The following HMGCLL1 variants were observed in gnomAD, a reference collection of about 807,000 sequenced individuals.
The protein encoded by HMGCLL1 is 3-hydroxymethyl-3-methylglutaryl-CoA lyase, cytoplasmic.
In HMGCLL1, 36 loss-of-function variants were observed where a neutral mutation model predicts 39.1. The observed-to-expected ratio is 0.92, with a 90% CI of 0.71 to 1.22. The LOEUF (loss-of-function observed/expected upper bound fraction) is 1.22, where lower values mean the gene tolerates loss of function less well. Ranked by LOEUF, HMGCLL1 falls within the 50% of genes most tolerant of loss-of-function variation. The pLI, the probability that HMGCLL1 is intolerant of heterozygous loss-of-function variation, is 0.00. For missense variants in HMGCLL1, 451 were observed against 416.5 expected (o/e 1.08, Z -0.72); for synonymous variants, 149 against 144.0 (o/e 1.03, Z -0.25).
At chr6:55,669,590 T>C in the HMGCLL1 span, among the ~76,000 whole-genome samples, 2 of 151,814 alleles carry the variant, frequency 1.3e-5, no homozygotes, top group Non-Finnish European at 1.5e-5. Context: ...TATAAGAATG[T>C]TCAAAAAAGC....
chr6:55,553,975 G>T (rs1050616444), intron 1 of HMGCLL1, among the ~76,000 whole-genome samples: 1 of 152,066 alleles, frequency 6.6e-6, no homozygotes, highest in African/African-American at 2.4e-5. Context: ...CACCTCCAGT[G>T]CTGACAACAT....
intron 5 of HMGCLL1, among the ~76,000 whole-genome samples, chr6:55,499,907 TA>T (rs1766786859): frequency 2.0e-5 from 3 of 152,052 alleles, no homozygotes; most frequent in African/African-American, 7.2e-5. Context: ...GCTTCTTTTG[TA>T]ACTCATTCTA....
At chr6:55,641,799 A>C in the HMGCLL1 span, among the ~76,000 whole-genome samples, 33 of 151,702 alleles carry the variant, frequency 2.2e-4, no homozygotes, top group Non-Finnish European at 3.2e-4. Flanking sequence ...TTGATGGCTA[A>C]AACAATCCTT....
rs796989176 is a variant in HMGCLL1 at position 55,487,201 on chromosome 6, C to CT, written c.795+8217dup. ...GTCTCTGGTCTTCAGACCTTTTGTACTTTTTTTTTTACAATTTGTGTGCCT... is the reference window on the plus strand; with the variant it reads ...GTCTCTGGTCTTCAGACCTTTTGTACTTTTTTTTTTTACAATTTGTGTGCCT... On this transcript the variant is annotated intron_variant, in intron 7 of 8. Transcript: ENST00000274901. 5.2e-3 allele frequency among the ~76,000 whole-genome samples: 772 copies of CT among 148,336 alleles called. 6 individuals are homozygous for CT. Among genetic ancestry groups the CT allele is most frequent in the African/African-American group, 0.017 (706 of 40,508 alleles).
chr6:55,504,863 G>T (rs1004590991), intron 5 of HMGCLL1, among the ~76,000 whole-genome samples: 7 of 151,636 alleles, frequency 4.6e-5, no homozygotes. Flanking sequence ...TAAACAAATA[G>T]GTAAGGTTTA....
chr6:55,640,645 T>A, the HMGCLL1 span, among the ~76,000 whole-genome samples: 1 of 151,866 alleles, frequency 6.6e-6, no homozygotes, highest in Non-Finnish European at 1.5e-5. Context: ...AATGCATTAG[T>A]GATATTGTAT....
chr6:55,475,385 T>C (rs536456805), intron 7 of HMGCLL1, among the ~76,000 whole-genome samples: 1 of 151,748 alleles, frequency 6.6e-6, no homozygotes, highest in East Asian at 1.9e-4. Context: ...ACTTTTATGC[T>C]TATCCACACT....
the HMGCLL1 span, among the ~76,000 whole-genome samples, chr6:55,622,978 T>C: frequency 3.3e-5 from 5 of 152,106 alleles, no homozygotes; most frequent in African/African-American, 1.2e-4. Flanking sequence ...TTCTTCCTGG[T>C]TCAATCTTGG....
chr6:55,627,908 A>AGTTCTGTCC, the HMGCLL1 span, among the ~76,000 whole-genome samples: 10 of 17,332 alleles, frequency 5.8e-4, no homozygotes, highest in African/African-American at 2.7e-3. Flanking sequence ...TAGTATATAT[A>AGTTCTGTCC]CTATATATAT....
chr6:55,653,918 G>A, the HMGCLL1 span, among the ~76,000 whole-genome samples: 1 of 152,000 alleles, frequency 6.6e-6, no homozygotes, highest in East Asian at 1.9e-4. Flanking sequence ...TTTGAAGAAA[G>A]TCTTGAGAAG....
chr6:55,625,106 A>T, the HMGCLL1 span, among the ~76,000 whole-genome samples: 1 of 152,204 alleles, frequency 6.6e-6, no homozygotes, highest in East Asian at 1.9e-4. Flanking sequence ...GGAGGCCTCT[A>T]GGATTTTGGA....
In HMGCLL1 at chr6:55,477,240, T is replaced by TAATATATA. The variant is rs1491536378; in HGVS notation, c.795+18178_795+18179insTATATATT. 4.7e-4 allele frequency among the ~76,000 whole-genome samples: 9 copies of TAATATATA among 19,062 alleles called. 1 individual carries two copies. Among genetic ancestry groups the TAATATATA allele is most frequent in the African/African-American group, 3.5e-3 (8 of 2,312 alleles). The allele number at this position is 19,062 out of a possible 152,430, so 12.5% of individuals were successfully genotyped here. A position where few individuals can be genotyped will look rare whatever the true frequency, so the allele number is the denominator to read the frequency against. On this transcript the variant is annotated intron_variant, in intron 7 of 8. Coordinates refer to ENST00000274901, the MANE Select transcript of HMGCLL1 (RefSeq NM_001042406.2). ...ATTATAATATATAATATATATTATA[T>TAATATATA]TTATATAATATATAATATATATTAT...
chr6:55,676,537 T>C, the HMGCLL1 span, among the ~76,000 whole-genome samples: 83 of 152,258 alleles, frequency 5.5e-4, 2 homozygotes, highest in South Asian at 0.017. Flanking sequence ...CCCTTCTCCA[T>C]GGCCCTTTAC....
chr6:55,507,724 T>G (rs1767242952), intron 5 of HMGCLL1, among the ~76,000 whole-genome samples: 1 of 151,836 alleles, frequency 6.6e-6, no homozygotes, highest in African/African-American at 2.4e-5. Flanking sequence ...ACCTGAAACT[T>G]ACATCACTGT....
the HMGCLL1 span, among the ~76,000 whole-genome samples, chr6:55,601,014 TAA>T: frequency 6.6e-6 from 1 of 152,152 alleles, no homozygotes; most frequent in Non-Finnish European, 1.5e-5. Context: ...TTCCAATAAA[TAA>T]AAAATAATTT....
chr6:55,575,764 G>A (rs1334844339), intron 1 of HMGCLL1, among the ~76,000 whole-genome samples: 1 of 152,056 alleles, frequency 6.6e-6, no homozygotes, highest in Non-Finnish European at 1.5e-5. Flanking sequence ...GAGACAAAAA[G>A]GTGAGAGAAA....
chr6:55,592,094 C>T, the HMGCLL1 span, among the ~76,000 whole-genome samples: 1 of 151,854 alleles, frequency 6.6e-6, no homozygotes, highest in Non-Finnish European at 1.5e-5. Flanking sequence ...AATTATAAGC[C>T]AGTGCTAAAG....
intron 7 of HMGCLL1, among the ~76,000 whole-genome samples, chr6:55,491,324 A>G (rs755700188): frequency 3.9e-5 from 6 of 152,222 alleles, no homozygotes; most frequent in Non-Finnish European, 7.3e-5. Context: ...CGTTGTGCAC[A>G]TGTACCCTAA....
chr6:55,600,673 T>C, the HMGCLL1 span, among the ~76,000 whole-genome samples: 1 of 152,034 alleles, frequency 6.6e-6, no homozygotes, highest in African/African-American at 2.4e-5. Flanking sequence ...ATAAAAAAAT[T>C]AACATAAAAA....
Sources: allele counts gnomAD v4.1 joint callset (sites outside exome capture counted in the v4.1 genomes callset), GRCh38; gene constraint gnomAD v4.1.1; transcripts MANE v1.5; gene names NCBI Gene and HGNC (gene_info 2026-07-23, HGNC 2026-07-21).